DYNC2LI1: variants seen among roughly 807,000 people sequenced by gnomAD.
DYNC2LI1 encodes cytoplasmic dynein 2 light intermediate chain 1.
In DYNC2LI1, 45 loss-of-function variants were observed where a neutral mutation model predicts 51.9. That is an observed-to-expected ratio of 0.87 (90% CI 0.68 to 1.11). DYNC2LI1 has a LOEUF of 1.11. Among genes scored for constraint, DYNC2LI1 ranks in the 50% most tolerant of loss-of-function variants. DYNC2LI1 has a pLI of 0.00. For synonymous variants in DYNC2LI1, 130 were observed against 137.8 expected (o/e 0.94, Z 0.40); for missense variants, 490 against 417.4 (o/e 1.17, Z -1.51).
intron 5 of DYNC2LI1, chr2:43,792,938 T>C: frequency 2.4e-6 from 2 of 817,524 alleles, no homozygotes; most frequent in Non-Finnish European, 3.5e-6. Flanking sequence ...CTTTTGACTA[T>C]TGTGAGTAAT....
chr2:43,776,369 A>G (rs1334928206), intron 1 of DYNC2LI1, among the ~76,000 whole-genome samples: 3 of 152,228 alleles, frequency 2.0e-5, no homozygotes, highest in Non-Finnish European at 4.4e-5. Flanking sequence ...CAGGGAGGAA[A>G]GATTATTTGA....
the DYNC2LI1 span, among the ~76,000 whole-genome samples, chr2:43,818,898 A>C: frequency 6.6e-6 from 1 of 152,162 alleles, no homozygotes; most frequent in Non-Finnish European, 1.5e-5. Flanking sequence ...TGAGGAAACT[A>C]ATTTAGATAG....
chr2:43,820,584 G>T, the DYNC2LI1 span, among the ~76,000 whole-genome samples: 3 of 152,204 alleles, frequency 2.0e-5, no homozygotes, highest in South Asian at 2.1e-4. Context: ...TCCTCGATCA[G>T]GTTAGCCCTC....
chr2:43,807,740 A>C lies in DYNC2LI1; in HGVS notation c.994-1965A>C, dbSNP rs1213286888. Among the ~76,000 whole-genome samples, 5 of 137,036 alleles carry C rather than the reference A, an allele frequency of 3.6e-5. 1 individual carries two copies. The East Asian group carries it at 1.0e-3, about 28-fold the overall frequency. The allele number at this position is 137,036 out of a possible 152,430, so 89.9% of individuals were successfully genotyped here. A position where few individuals can be genotyped will look rare whatever the true frequency, so the allele number is the denominator to read the frequency against. On this transcript the variant is annotated intron_variant, in intron 12 of 12. Coordinates refer to ENST00000260605, the MANE Select transcript of DYNC2LI1 (RefSeq NM_016008.4). ...AGCTTCTTTTCTATTATTTTTGTTA[A>C]AGCAAAAAAAAAAAAAAAAAAAAAA...
intron 3 of DYNC2LI1, among the ~76,000 whole-genome samples, chr2:43,785,010 A>G (rs983891313): frequency 6.6e-6 from 1 of 152,174 alleles, no homozygotes; most frequent in Non-Finnish European, 1.5e-5. Flanking sequence ...CTAAGGATAG[A>G]TATGGGACCG....
At chr2:43,825,147 GCATTTCC>G in the DYNC2LI1 span, 1 of 1,142,756 alleles carries the variant, frequency 8.8e-7, no homozygotes, top group African/African-American at 1.6e-5. Context: ...TATGGGAAAT[GCATTTCC>G]CATAAGCAGT....
At chr2:43,802,916 G>T (rs540433158) in intron 10 of DYNC2LI1, among the ~76,000 whole-genome samples, 1 of 152,162 alleles carries the variant, frequency 6.6e-6, no homozygotes, top group South Asian at 2.1e-4. Flanking sequence ...CACATGAAAA[G>T]GTGTTTAATA....
chr2:43,799,623 AGTTT>A (rs1666008740), intron 8 of DYNC2LI1, among the ~76,000 whole-genome samples: 1 of 152,184 alleles, frequency 6.6e-6, no homozygotes. Context: ...CCAGGCATTG[AGTTT>A]GTTTAAGCAG....
At chr2:43,805,450 A>G (rs1330380835) in intron 12 of DYNC2LI1, 1 of 305,404 alleles carries the variant, frequency 3.3e-6, no homozygotes. Flanking sequence ...ATAAAGAAAA[A>G]TTTTTAAATC....
At chr2:43,801,494 G>A in intron 9 of DYNC2LI1, 145 bp from the exon 10 acceptor site, 1 of 515,212 alleles carries the variant, frequency 1.9e-6, no homozygotes, top group Non-Finnish European at 3.4e-6. Flanking sequence ...CACTTAAATT[G>A]ATAGTCACTC....
At chr2:43,826,347 C>A in the DYNC2LI1 span, 3 of 1,613,244 alleles carry the variant, frequency 1.9e-6, no homozygotes, top group South Asian at 3.3e-5. Context: ...GCTCAACACA[C>A]CATAGACCCG....
At chr2:43,815,039 A>G in the DYNC2LI1 span, among the ~76,000 whole-genome samples, 2 of 152,202 alleles carry the variant, frequency 1.3e-5, no homozygotes, top group African/African-American at 2.4e-5. Flanking sequence ...AGCACTACTG[A>G]TATAAACGTA....
chr2:43,796,858 CT>C (rs766266660), intron 8 of DYNC2LI1, 63 bp downstream of exon 8: 25 of 1,236,866 alleles, frequency 2.0e-5, no homozygotes, highest in Non-Finnish European at 2.9e-5. Flanking sequence ...AAATCAGCAA[CT>C]TGATGCACAG....
chr2:43,788,852 T>G (rs974181556), intron 4 of DYNC2LI1, among the ~76,000 whole-genome samples: 6 of 152,220 alleles, frequency 3.9e-5, no homozygotes, highest in African/African-American at 1.2e-4. Flanking sequence ...CAGACTGACC[T>G]TGAACTCCTG....
chr2:43,828,094 G>T, the DYNC2LI1 span: 2 of 1,613,954 alleles, frequency 1.2e-6, no homozygotes, highest in African/African-American at 2.7e-5. Context: ...CTCAGACTCA[G>T]CTCTGCCATG....
intron 3 of DYNC2LI1, among the ~76,000 whole-genome samples, chr2:43,786,781 G>A (rs1247817343): frequency 6.6e-6 from 1 of 152,036 alleles, no homozygotes; most frequent in Non-Finnish European, 1.5e-5. Context: ...AGCCAAGATC[G>A]TGCCACTGCA....
Position 43,805,237 on chromosome 2 carries a change from G to T in DYNC2LI1, c.984G>T (p.Gln328His). The T allele has an allele frequency of 6.2e-7, 1 of 1,601,154 alleles. No individual in the cohort carries two copies. Among genetic ancestry groups the T allele is most frequent in the Non-Finnish European group, 8.6e-7 (1 of 1,168,654 alleles). Residue 328 changes from glutamine to histidine, a missense_variant, in exon 12 of 13, where the codon CAG becomes CAT. Coordinates refer to ENST00000260605, the MANE Select transcript of DYNC2LI1 (RefSeq NM_016008.4). ...AENEVDEMRI[Q>H]KDLELEQYKR... The stretch of plus-strand genomic sequence containing the variant: ...ATGAAGTCGATGAGATGAGAATTCA[G>T]AAGGATCTGGTATTATCCTAAACAT...
At chr2:43,782,412 C>T (rs1315639273) in intron 2 of DYNC2LI1, among the ~76,000 whole-genome samples, 2 of 151,688 alleles carry the variant, frequency 1.3e-5, no homozygotes, top group Admixed American at 1.3e-4. Context: ...AACAAAAACA[C>T]ATATAATAAG....
At chr2:43,820,546 C>G in the DYNC2LI1 span, among the ~76,000 whole-genome samples, 1 of 152,174 alleles carries the variant, frequency 6.6e-6, no homozygotes, top group Non-Finnish European at 1.5e-5. Flanking sequence ...GGGATTATTG[C>G]CTACGTGAAA....
Sources: allele counts gnomAD v4.1 joint callset (sites outside exome capture counted in the v4.1 genomes callset), GRCh38; gene constraint gnomAD v4.1.1; transcripts MANE v1.5; gene names NCBI Gene and HGNC (gene_info 2026-07-23, HGNC 2026-07-21).